ZBTB11: variants seen among roughly 807,000 people sequenced by gnomAD.
The protein encoded by ZBTB11 is zinc finger and BTB domain-containing protein 11.
Under a neutral mutation model 113.1 loss-of-function variants are expected in ZBTB11, and 68 were observed. That is an observed-to-expected ratio of 0.60 (90% CI 0.49 to 0.74). The LOEUF (loss-of-function observed/expected upper bound fraction) is 0.74. ZBTB11 is among the 30% of genes least tolerant of loss of function. The pLI is 0.00. For synonymous variants in ZBTB11, 518 were observed against 452.6 expected, an observed-to-expected ratio of 1.14 and a Z score of -1.83; for missense variants, 1,104 against 1,279.4, an observed-to-expected ratio of 0.86 and a Z score of 2.09.
At position 101,665,802 on chromosome 3, in the gene ZBTB11, C is replaced by A; in HGVS notation, c.785G>T (p.Cys262Phe). The change falls in exon 4 of 11, where the codon TGT becomes TTT. Residue 262 changes from cysteine (C) to phenylalanine (F), a missense_variant. Transcript: ENST00000312938. ...HEAVVDLSGF[C>F]KASFLPLLEF... ...CAGTAAAGGAAGGAAGCTGGCCTTA[C>A]AAAAACCTGTATGAATACAAAGAAG... The A allele has an allele frequency of 6.3e-7, 1 of 1,585,294 alleles. No individual in the cohort carries two copies. The highest frequency in any genetic ancestry group is 1.2e-5 in the South Asian group (1 of 85,850).
At chr3:101,667,881 G>T (rs1252766313) in intron 3 of ZBTB11, among the ~76,000 whole-genome samples, 4 of 152,028 alleles carry the variant, frequency 2.6e-5, no homozygotes, top group East Asian at 1.9e-4. Flanking sequence ...CCAAAGAAAA[G>T]AAATTATATC....
chr3:101,653,732 T>C (rs992877580), intron 8 of ZBTB11, among the ~76,000 whole-genome samples: 1 of 152,164 alleles, frequency 6.6e-6, no homozygotes, highest in Non-Finnish European at 1.5e-5. Context: ...TGGCAAACTG[T>C]TAGAATCAAC....
At position 101,659,808 on chromosome 3, in the gene ZBTB11, G is replaced by C; in HGVS notation, c.2021C>G (p.Thr674Arg). Reference sequence around the variant, plus strand: ...CTGGCATGCATGTGGCTTTACACCTGTGTGCTTTAACATATGTATTCGGAG... The same window carrying C: ...CTGGCATGCATGTGGCTTTACACCTCTGTGCTTTAACATATGTATTCGGAG... ...YSLRIHMLKH[T>R]GVKPHACQVC... Residue 674 changes from threonine to arginine, a missense_variant, in exon 6 of 11, where the codon ACA becomes AGA. Thr to Arg is a moderately conservative substitution (Grantham distance 71). Coordinates refer to ENST00000312938, the MANE Select transcript of ZBTB11 (RefSeq NM_014415.4). 1 of 1,614,178 alleles carries C rather than the reference G, an allele frequency of 6.2e-7. No homozygotes were observed. The highest frequency in any genetic ancestry group is 2.2e-5 in the East Asian group (1 of 44,884).
At chr3:101,670,846 G>A in intron 3 of ZBTB11, 1 of 327,524 alleles carries the variant, frequency 3.1e-6, no homozygotes, top group Non-Finnish European at 5.6e-6. Context: ...TAATTTTGTT[G>A]CACTTATGGA....
intron 5 of ZBTB11, 70 bp downstream of exon 5, chr3:101,664,468 A>T: frequency 7.0e-7 from 1 of 1,424,290 alleles, no homozygotes. Flanking sequence ...CGAAAAGATA[A>T]CCATGCAGTA....
chr3:101,663,089 G>A (rs939574955), intron 5 of ZBTB11, among the ~76,000 whole-genome samples: 2 of 152,024 alleles, frequency 1.3e-5, no homozygotes, highest in Non-Finnish European at 2.9e-5. Context: ...ACAGGTGCTC[G>A]CCACCATGCC....
At chr3:101,664,514 T>A (rs752711251) in intron 5 of ZBTB11, 24 bp downstream of exon 5, 1 of 1,583,188 alleles carries the variant, frequency 6.3e-7, no homozygotes, top group South Asian at 1.2e-5. Context: ...AGAGTTACCT[T>A]CAATTAGCTT....
intron 7 of ZBTB11, chr3:101,655,728 T>C (rs1240799058): frequency 1.3e-5 from 2 of 152,352 alleles, no homozygotes; most frequent in Non-Finnish European, 2.9e-5. Flanking sequence ...TGGCGCGATC[T>C]TGGCTCACAG....
intron 5 of ZBTB11, among the ~76,000 whole-genome samples, chr3:101,660,553 A>C (rs1936870548): frequency 6.6e-6 from 1 of 152,104 alleles, no homozygotes; most frequent in Admixed American, 6.6e-5. Flanking sequence ...TTGCTTCTAG[A>C]GTTATCTCTG....
At chr3:101,667,576 TAGGACTC>T (rs1937017309) in intron 3 of ZBTB11, among the ~76,000 whole-genome samples, 1 of 152,196 alleles carries the variant, frequency 6.6e-6, no homozygotes, top group Non-Finnish European at 1.5e-5. Context: ...TGTGAGATGT[TAGGACTC>T]AGGCTGAAAA....
At chr3:101,661,033 A>G (rs972693807) in intron 5 of ZBTB11, among the ~76,000 whole-genome samples, 1 of 151,754 alleles carries the variant, frequency 6.6e-6, no homozygotes, top group Non-Finnish European at 1.5e-5. Context: ...GGAGTTTGAG[A>G]CCAGCCTGGG....
chr3:101,662,509 A>G (rs1002409936), intron 5 of ZBTB11, among the ~76,000 whole-genome samples: 1 of 152,156 alleles, frequency 6.6e-6, no homozygotes, highest in African/African-American at 2.4e-5. Flanking sequence ...CTGTAATCCC[A>G]GCTACTCGGG....
chr3:101,652,411 G>A (rs1576642773), intron 10 of ZBTB11, 85 bp downstream of exon 10: 1 of 1,329,972 alleles, frequency 7.5e-7, no homozygotes, highest in Non-Finnish European at 1.0e-6. Context: ...TTTTACCAAG[G>A]AAGGTGAAAG....
At chr3:101,654,560 T>C (rs115970410) in intron 8 of ZBTB11, 144 bp downstream of exon 8, 316 of 626,256 alleles carry the variant, frequency 5.0e-4, no homozygotes, top group African/African-American at 4.7e-3. Flanking sequence ...ATGTTAAAAA[T>C]AGTAACCCTT....
chr3:101,651,787 A>T, intron 10 of ZBTB11, 104 bp from the exon 11 acceptor site: 1 of 1,202,874 alleles, frequency 8.3e-7, no homozygotes. Context: ...GTAGCTCATA[A>T]GCCTTTCTAT....
In ZBTB11 at chr3:101,659,686, G is replaced by C. The variant is rs1278247741; in HGVS notation, c.2046+97C>G. On this transcript the variant is annotated intron_variant, in intron 6 of 10. Transcript: ENST00000312938. ...TAAATTTACCTGACATTTTACAAAT[G>C]AGAGTGACTTGAGAATACATATCCC... is the stretch of plus-strand genomic sequence containing the variant. 6 of 1,430,420 alleles carry C rather than the reference G, an allele frequency of 4.2e-6. No individual in the cohort carries two copies. In the African/African-American group the frequency reaches 7.1e-5, roughly 17 times the overall value. The allele number at this position is 1,430,420 out of a possible 1,614,324, so 88.6% of individuals were successfully genotyped here.
chr3:101,676,750 G>C lies in ZBTB11; in HGVS notation c.165C>G (p.His55Gln). The change falls in exon 1 of 11, where the codon CAC becomes CAG. Residue 55 changes from histidine (H) to glutamine (Q), a missense_variant. Physicochemically the swap from His to Gln is conservative, Grantham distance 24. This residue lies in a region of ZBTB11 where 245 missense variants were observed against 272.5 expected (regional missense o/e 0.90). Coordinates refer to ENST00000312938, the MANE Select transcript of ZBTB11 (RefSeq NM_014415.4). Reference protein sequence around the residue: ...GTLYYQRRQRHRKTFAELEVV... With the variant: ...GTLYYQRRQRQRKTFAELEVV... ...CCTCCAGCTCCGCGAAGGTCTTGCG[G>C]TGCCGCTGCCGCCGCTGGTAATACA... 1 of 1,607,100 alleles carries C rather than the reference G, an allele frequency of 6.2e-7. No individual in the cohort carries two copies. Among genetic ancestry groups the C allele is most frequent in the East Asian group, 2.2e-5 (1 of 44,676 alleles).
At chr3:101,672,289 T>C in intron 1 of ZBTB11, 76 bp from the exon 2 acceptor site, 2 of 1,012,766 alleles carry the variant, frequency 2.0e-6, no homozygotes, top group African/African-American at 1.6e-5. Context: ...TCTGTGCACA[T>C]TAACACATTT....
At chr3:101,663,900 C>G (rs1378615771) in intron 5 of ZBTB11, among the ~76,000 whole-genome samples, 1 of 152,018 alleles carries the variant, frequency 6.6e-6, no homozygotes, top group Non-Finnish European at 1.5e-5. Flanking sequence ...AAAAACAAAA[C>G]AAAACAAAAC....
Sources: allele counts gnomAD v4.1 joint callset (sites outside exome capture counted in the v4.1 genomes callset), GRCh38; gene constraint gnomAD v4.1.1; regional missense constraint gnomAD v4.1.1; transcripts MANE v1.5; gene names NCBI Gene and HGNC (gene_info 2026-07-23, HGNC 2026-07-21).